The following ITGA9 variants were observed in gnomAD, a reference collection of about 807,000 sequenced individuals.
ITGA9 encodes integrin subunit alpha 9.
A neutral mutation model predicts 127.8 loss-of-function variants in ITGA9; 56 were observed. The observed-to-expected ratio is 0.44, with a 90% CI of 0.35 to 0.55. The LOEUF (loss-of-function observed/expected upper bound fraction) is 0.55. ITGA9 is among the 20% of genes least tolerant of loss of function. The probability of loss-of-function intolerance (pLI) is 0.00; values close to 1 mark genes in which losing one functional copy is unlikely to be tolerated. For synonymous variants in ITGA9, 508 were observed against 514.5 expected, an observed-to-expected ratio of 0.99 and a Z score of 0.17; for missense variants, 1,196 against 1,347.1, an observed-to-expected ratio of 0.89 and a Z score of 1.76.
chr3:37,812,258 G>A (rs771561850), intron 27 of ITGA9, among the ~76,000 whole-genome samples: 6 of 152,248 alleles, frequency 3.9e-5, no homozygotes, highest in Non-Finnish European at 5.9e-5. Context: ...GACATGCTAT[G>A]TAAATAGTCA....
intron 18 of ITGA9, among the ~76,000 whole-genome samples, chr3:37,729,278 T>A (rs994851641): frequency 6.6e-6 from 1 of 152,140 alleles, no homozygotes. Context: ...GCTATGTTGG[T>A]GCTGACAGGC....
intron 1 of ITGA9, among the ~76,000 whole-genome samples, chr3:37,469,796 T>C (rs1698408942): frequency 6.6e-6 from 1 of 152,164 alleles, no homozygotes; most frequent in South Asian, 2.1e-4. Flanking sequence ...AACTCTTTTT[T>C]TGTTTTGTTT....
chr3:37,495,060 G>A (rs1430355817), intron 5 of ITGA9, among the ~76,000 whole-genome samples: 3 of 151,954 alleles, frequency 2.0e-5, no homozygotes, highest in Non-Finnish European at 1.5e-5. Flanking sequence ...TGCAATCTCC[G>A]CCTCCTGGGT....
At chr3:37,747,828 A>T (rs1696523576) in intron 22 of ITGA9, among the ~76,000 whole-genome samples, 1 of 151,462 alleles carries the variant, frequency 6.6e-6, no homozygotes, top group South Asian at 2.1e-4. Context: ...TCCTGGGCTC[A>T]AGCAATCCTC....
chr3:37,737,683 C>T (rs992749754), intron 20 of ITGA9, among the ~76,000 whole-genome samples: 1 of 152,058 alleles, frequency 6.6e-6, no homozygotes, highest in Non-Finnish European at 1.5e-5. Context: ...GAGGGAGGGG[C>T]GTTCAGGTGG....
rs9879310 is a variant in ITGA9, at chr3:37,597,734, C to T, written c.1690-31453C>T. Among the ~76,000 whole-genome samples the T allele has an allele frequency of 0.53, 80,074 of 152,134 alleles. 21,609 individuals carry two copies. The highest frequency in any genetic ancestry group is 0.6 in the East Asian group (3,089 of 5,174). On this transcript the variant is annotated intron_variant, in intron 15 of 27. Coordinates refer to ENST00000264741, the MANE Select transcript of ITGA9 (RefSeq NM_002207.3). This position sits in a 1 kb window ranked among gnomAD's most constrained non-coding sequence, Gnocchi z 4.6. ...ACAAACTCAAAACTTCAGTGGCATA[C>T]AATACAAAGCATATAGTTTGTGCAG...
intron 18 of ITGA9, among the ~76,000 whole-genome samples, chr3:37,704,614 C>T (rs1700984167): frequency 6.6e-6 from 1 of 152,230 alleles, no homozygotes; most frequent in Admixed American, 6.5e-5. Context: ...CCACCACCAC[C>T]ATCCAACTCA....
chr3:37,657,654 TA>T (rs1180166828), intron 17 of ITGA9, among the ~76,000 whole-genome samples: 3 of 150,640 alleles, frequency 2.0e-5, no homozygotes, highest in East Asian at 1.9e-4. Context: ...TGGATTTGTT[TA>T]TTTTTTTTTT....
At chr3:37,705,158 T>A (rs368336061) in intron 18 of ITGA9, among the ~76,000 whole-genome samples, 1 of 152,354 alleles carries the variant, frequency 6.6e-6, no homozygotes, top group East Asian at 1.9e-4. Flanking sequence ...TCAGCAAAGT[T>A]ATGTGTTAAC....
Position 37,517,554 on chromosome 3 carries a change from G to T in ITGA9, c.1086G>T (p.Ala362=). The T allele has an allele frequency of 1.3e-6, 2 of 1,599,220 alleles. No individual in the cohort carries two copies. The highest frequency in any genetic ancestry group is 1.7e-6 in the Non-Finnish European group (2 of 1,172,908). The change falls in exon 10 of 28, where the codon GCG becomes GCT. Residue 362 remains alanine (A), a synonymous_variant. Transcript: ENST00000264741. ...LALTGDGAYN[A]HFGESIASLD... ...TGACTGGGGATGGTGCCTACAATGCGCACTTTGGAGAGAGCATTGCCAGCC... is the reference window on the plus strand; with the variant it reads ...TGACTGGGGATGGTGCCTACAATGCTCACTTTGGAGAGAGCATTGCCAGCC...
Position 37,528,402 on chromosome 3 carries a change from T to A in ITGA9, c.1373+2331T>A, listed in dbSNP as rs568887101. ...AGAAGAACTCCAGGGAGAGCACATA[T>A]CAAGAGAAGAGACCTAGGAGAGGAG... On this transcript the variant is annotated intron_variant, in intron 13 of 27. Coordinates refer to ENST00000264741, the MANE Select transcript of ITGA9 (RefSeq NM_002207.3). Among the ~76,000 whole-genome samples the A allele has an allele frequency of 1.1e-4, 17 of 152,090 alleles. No individual in the cohort carries two copies. In the East Asian group the frequency reaches 3.1e-3, roughly 28 times the overall value.
chr3:37,459,849 G>A (rs1182921116), intron 1 of ITGA9, among the ~76,000 whole-genome samples: 2 of 152,196 alleles, frequency 1.3e-5, no homozygotes, highest in African/African-American at 2.4e-5. Context: ...TGCAATAGCA[G>A]TAGCTTCTCT....
At chr3:37,536,867 C>T (rs995879803) in intron 14 of ITGA9, among the ~76,000 whole-genome samples, 5 of 152,244 alleles carry the variant, frequency 3.3e-5, no homozygotes, top group South Asian at 2.1e-4. Flanking sequence ...AGGTCATGGA[C>T]GACCTGGGAG....
chr3:37,470,881 G>A, intron 1 of ITGA9, 126 bp from the exon 2 acceptor site: 1 of 938,120 alleles, frequency 1.1e-6, no homozygotes, highest in Admixed American at 1.9e-5. Context: ...ACACAGAAAA[G>A]TATAATAATA....
At chr3:37,643,201 A>G (rs577664844) in intron 16 of ITGA9, among the ~76,000 whole-genome samples, 1 of 152,300 alleles carries the variant, frequency 6.6e-6, no homozygotes, top group African/African-American at 2.4e-5. Context: ...CTGCCCTCCA[A>G]TGTTGTTTGA....
Position 37,822,653 on chromosome 3 carries a change from A to ACAAAACCC in ITGA9, c.*3664_*3665insCAAAACCC, listed in dbSNP as rs1559609432. On this transcript the variant is annotated 3_prime_UTR_variant, in exon 28 of 28. Transcript: ENST00000264741. ...CTTGAGCCAAAGGCAATGAGGTTTA[A>ACAAAACCC]AACAAAAACCCAACAGCACTCCTGG... 1 of 152,268 alleles carries ACAAAACCC rather than the reference A, an allele frequency of 6.6e-6. No homozygotes were observed. The highest frequency in any genetic ancestry group is 1.9e-4 in the East Asian group (1 of 5,202). The allele number at this position is 152,268 out of a possible 1,614,324, so 9.4% of individuals were successfully genotyped here.
chr3:37,769,338 C>CA (rs35133772), intron 23 of ITGA9, among the ~76,000 whole-genome samples: 2,817 of 114,196 alleles, frequency 0.025, 29 homozygotes, highest in Non-Finnish European at 0.035. Flanking sequence ...AACTCTGTCT[C>CA]AAAAAAAAAA....
At chr3:37,455,465 GGGA>G (rs1190553361) in intron 1 of ITGA9, among the ~76,000 whole-genome samples, 4 of 152,156 alleles carry the variant, frequency 2.6e-5, no homozygotes, top group Admixed American at 2.6e-4. Context: ...CTGGAGGCTT[GGGA>G]GTAGTTTTGC....
At chr3:37,507,642 A>G (rs554372455) in intron 7 of ITGA9, among the ~76,000 whole-genome samples, 11 of 152,336 alleles carry the variant, frequency 7.2e-5, no homozygotes, top group African/African-American at 2.4e-4. Flanking sequence ...GCTTCTTTCA[A>G]TTAGACCACC....
Sources: gnomAD v4.1 joint callset for allele counts (sites outside exome capture counted in the v4.1 genomes callset) on GRCh38, gnomAD v4.1.1 for gene constraint, Gnocchi (gnomAD v3.1) non-coding constraint, MANE v1.5 for transcripts, NCBI Gene and HGNC (gene_info 2026-07-23, HGNC 2026-07-21) for gene names.